The following GLB1 variants were observed in gnomAD, a reference collection of about 807,000 sequenced individuals.
GLB1 encodes beta-galactosidase.
Under a neutral mutation model 74.0 loss-of-function variants are expected in GLB1, and 56 were observed. The ratio of observed to expected loss-of-function variants is 0.76; its 90% CI spans 0.61 to 0.94. GLB1 has a LOEUF of 0.94. Among genes scored for constraint, GLB1 ranks in the 40% least tolerant of loss-of-function variants. GLB1 has a pLI of 0.00. For synonymous variants in GLB1, 323 were observed against 323.6 expected (o/e 1.00, Z 0.02); for missense variants, 787 against 845.5 (o/e 0.93, Z 0.86).
Position 33,096,997 on chromosome 3 carries a change from T to C in GLB1, c.75+14A>G, listed in dbSNP as rs1442796132. On this transcript the variant is annotated intron_variant, in intron 1 of 15. Transcript: ENST00000307363. ...CTAGCAATGCCTCCCCGTACCCGGG[T>C]CCCGCAGACTTACGCGCAAGCCGCG... 2 of 1,610,550 alleles carry C rather than the reference T, an allele frequency of 1.2e-6. No individual in the cohort carries two copies. Among genetic ancestry groups the C allele is most frequent in the African/African-American group, 2.7e-5 (2 of 74,644 alleles).
At chr3:33,049,244 A>G (rs1175596378) in intron 9 of GLB1, among the ~76,000 whole-genome samples, 1 of 152,140 alleles carries the variant, frequency 6.6e-6, no homozygotes. Flanking sequence ...CATAAGATGA[A>G]CACAGAGGGA....
chr3:33,012,302 T>C (rs1378193335), intron 15 of GLB1, among the ~76,000 whole-genome samples: 2 of 152,220 alleles, frequency 1.3e-5, no homozygotes, highest in African/African-American at 4.8e-5. Flanking sequence ...TGAATGTTTG[T>C]GTCCACCCAA....
rs1314250549 is a variant in GLB1 at position 33,093,107 on chromosome 3, T to C, written c.75+3904A>G. ...GGGGCTGGTGAGCTAGCAAGATGAT[T>C]GTGTGGTCTGGGCTGCAGCCCTCCA... On this transcript the variant is annotated intron_variant, in intron 1 of 15. Transcript: ENST00000307363. The surrounding 1 kb of genome is among the most constrained non-coding windows in gnomAD (Gnocchi z 6.0). 1 of 1,614,178 alleles carries C rather than the reference T, an allele frequency of 6.2e-7. No homozygotes were observed. The highest frequency in any genetic ancestry group is 8.5e-7 in the Non-Finnish European group (1 of 1,180,018).
intron 14 of GLB1, 93 bp downstream of exon 14, chr3:33,016,616 T>G (rs1442301678): frequency 5.0e-6 from 8 of 1,591,276 alleles, no homozygotes; most frequent in Non-Finnish European, 6.0e-6. Context: ...CTTCCCAAAG[T>G]GCTGAGATTA....
the GLB1 span, among the ~76,000 whole-genome samples, chr3:32,982,421 C>T: frequency 6.7e-6 from 1 of 149,128 alleles, no homozygotes; most frequent in Non-Finnish European, 1.5e-5. Flanking sequence ...ATTTAATTTT[C>T]AAAGTTTAAA....
chr3:33,011,859 G>A (rs954286665), intron 15 of GLB1, among the ~76,000 whole-genome samples: 6 of 151,964 alleles, frequency 3.9e-5, no homozygotes, highest in African/African-American at 9.7e-5. Context: ...ATTCCTGTTC[G>A]TATTCCTTAC....
At position 33,031,845 on chromosome 3, in the gene GLB1, TGGAGTGCAATG is replaced by T. The variant is rs1218750503; in HGVS notation, c.1069-7531_1069-7521del. On this transcript the variant is annotated intron_variant, in intron 10 of 15. Transcript: ENST00000307363. ...AGAGTTTTGCTCTTGTTACCCAGGC[TGGAGTGCAATG>T]GCATGATCTCGGCTCACTGCAACCT... 3.9e-5 allele frequency among the ~76,000 whole-genome samples: 6 copies of T among 151,904 alleles called. No homozygotes were observed. The East Asian group carries it at 1.2e-3, about 30-fold the overall frequency.
In GLB1 at chr3:33,081,528, C is replaced by G. The variant is rs776318909; in HGVS notation, c.76-8815G>C. On this transcript the variant is annotated intron_variant, in intron 1 of 15. Transcript: ENST00000307363. ...AGACCCCACTACCTGGCTCTATTCC[C>G]CAGGAGAGCCCAGAGAACTCTCCCT... 3.1e-4 allele frequency among the ~76,000 whole-genome samples: 47 copies of G among 152,286 alleles called. 1 individual carries two copies. The highest frequency in any genetic ancestry group is 3.4e-3 in the Middle Eastern group (1 of 294).
rs746547573 is a variant in GLB1 at position 33,051,947 on chromosome 3, T to C, written c.850A>G (p.Ile284Val). ...GAGGAAGCCACTGCTTCGGTCTTGATTGTGGAGTGAGGTTGGCCCCAGTGA... is the reference window on the plus strand; with the variant it reads ...GAGGAAGCCACTGCTTCGGTCTTGACTGTGGAGTGAGGTTGGCCCCAGTGA... Reference protein sequence around the residue: ...LDHWGQPHSTIKTEAVASSLY... With the variant: ...LDHWGQPHSTVKTEAVASSLY... Residue 284 changes from isoleucine (I) to valine (V), a missense_variant, in exon 8 of 16, where the codon ATC becomes GTC. Ile to Val is a conservative substitution (Grantham distance 29). Transcript: ENST00000307363. The C allele has an allele frequency of 3.7e-6, 6 of 1,614,056 alleles. No homozygotes were observed. Among genetic ancestry groups the C allele is most frequent in the East Asian group, 4.5e-5 (2 of 44,892 alleles).
chr3:32,962,311 C>G, the GLB1 span, among the ~76,000 whole-genome samples: 1 of 151,986 alleles, frequency 6.6e-6, no homozygotes. Flanking sequence ...GAAACATGTC[C>G]AAAAAGAATG....
At chr3:32,966,944 G>C in the GLB1 span, among the ~76,000 whole-genome samples, 8 of 152,176 alleles carry the variant, frequency 5.3e-5, no homozygotes, top group Non-Finnish European at 1.0e-4. Context: ...GGAACTGTGA[G>C]TCCATTAGAT....
the GLB1 span, among the ~76,000 whole-genome samples, chr3:32,984,311 G>C: frequency 2.0e-5 from 3 of 151,834 alleles, no homozygotes; most frequent in Admixed American, 6.6e-5. Flanking sequence ...CGTTGCTCAG[G>C]GGGGAATTCA....
intron 4 of GLB1, among the ~76,000 whole-genome samples, chr3:33,067,886 T>G (rs1699749023): frequency 6.6e-6 from 1 of 152,084 alleles, no homozygotes; most frequent in East Asian, 1.9e-4. Context: ...GAAGCTTTTT[T>G]GTTTGTTTGT....
intron 12 of GLB1, 117 bp downstream of exon 12, chr3:33,021,449 T>G: frequency 9.5e-7 from 1 of 1,048,986 alleles, no homozygotes; most frequent in South Asian, 1.4e-5. Context: ...TTACCTGGGA[T>G]CTGATGCATT....
the GLB1 span, among the ~76,000 whole-genome samples, chr3:32,987,912 C>T: frequency 3.9e-4 from 60 of 152,084 alleles, 1 homozygote; most frequent in South Asian, 3.1e-3. Context: ...AGGCTGGGTA[C>T]GGTGGCTCAT....
intron 10 of GLB1, among the ~76,000 whole-genome samples, chr3:33,033,314 T>TC (rs1698132819): frequency 6.6e-6 from 1 of 152,206 alleles, no homozygotes; most frequent in South Asian, 2.1e-4. Flanking sequence ...TTGATTACAA[T>TC]CTTAAACATT....
At chr3:33,039,461 C>T (rs948994907) in intron 10 of GLB1, among the ~76,000 whole-genome samples, 2 of 152,102 alleles carry the variant, frequency 1.3e-5, no homozygotes, top group African/African-American at 4.8e-5. Context: ...AATGGAAGCT[C>T]TAGAACTGAC....
chr3:32,963,111 CTAGTT>C, the GLB1 span, among the ~76,000 whole-genome samples: 8 of 152,072 alleles, frequency 5.3e-5, no homozygotes, highest in Admixed American at 3.3e-4. Context: ...AATGGGAAAT[CTAGTT>C]TAGTATGAGA....
At position 33,093,739 on chromosome 3, in the gene GLB1, C is replaced by T. The variant is rs775255667; in HGVS notation, c.75+3272G>A. ...TTCCTTGTCTTCTCAAGGCTGCCCA[C>T]GACCCTACCACTGCGCCAGGCCAAG... On this transcript the variant is annotated intron_variant, in intron 1 of 15. Transcript: ENST00000307363. The surrounding 1 kb of genome is among the most constrained non-coding windows in gnomAD (Gnocchi z 6.0). 45 of 1,613,702 alleles carry T rather than the reference C, an allele frequency of 2.8e-5. No individual in the cohort carries two copies. In the East Asian group the frequency reaches 6.5e-4, roughly 23 times the overall value.
Sources: gnomAD v4.1 joint callset for allele counts (sites outside exome capture counted in the v4.1 genomes callset) on GRCh38, gnomAD v4.1.1 for gene constraint, Gnocchi (gnomAD v3.1) non-coding constraint, MANE v1.5 for transcripts, NCBI Gene and HGNC (gene_info 2026-07-23, HGNC 2026-07-21) for gene names.